KIF20B: variants seen among roughly 807,000 people sequenced by gnomAD.
The protein encoded by KIF20B is kinesin family member 20B.
Under a neutral mutation model 232.5 loss-of-function variants are expected in KIF20B, and 188 were observed. The ratio of observed to expected loss-of-function variants is 0.81; its 90% confidence interval spans 0.72 to 0.91. The LOEUF (loss-of-function observed/expected upper bound fraction) is 0.91, where lower values mean the gene tolerates loss of function less well. Ranked by LOEUF, KIF20B falls within the 40% of genes least tolerant of loss-of-function variation. The pLI is 0.00. For synonymous variants in KIF20B, 712 were observed against 683.0 expected, an observed-to-expected ratio of 1.04 and a Z score of -0.66; for missense variants, 2,154 against 2,055.9, an observed-to-expected ratio of 1.05 and a Z score of -0.92.
At chr10:89,702,360 C>T (rs1468363467) in intron 1 of KIF20B, among the ~76,000 whole-genome samples, 1 of 152,176 alleles carries the variant, frequency 6.6e-6, no homozygotes, top group Admixed American at 6.5e-5. Context: ...TTCTCCATCT[C>T]GATTCGCTCG....
chr10:89,737,032 C>T (rs1841668907), intron 19 of KIF20B, among the ~76,000 whole-genome samples: 1 of 152,054 alleles, frequency 6.6e-6, no homozygotes. Flanking sequence ...GTCATCTCCT[C>T]CTCTCTGTCC....
intron 26 of KIF20B, among the ~76,000 whole-genome samples, chr10:89,755,889 AT>A (rs1176859205): frequency 1.3e-5 from 2 of 152,094 alleles, no homozygotes; most frequent in African/African-American, 4.8e-5. Flanking sequence ...GCCACTGTGC[AT>A]TGTACCCGGC....
intron 23 of KIF20B, among the ~76,000 whole-genome samples, chr10:89,750,557 T>G (rs1489008455): frequency 6.6e-6 from 1 of 152,164 alleles, no homozygotes; most frequent in Non-Finnish European, 1.5e-5. Flanking sequence ...CAGCCTGAGA[T>G]TGAGCTATGC....
intron 13 of KIF20B, among the ~76,000 whole-genome samples, chr10:89,720,533 A>G (rs888866098): frequency 2.0e-5 from 3 of 152,174 alleles, no homozygotes; most frequent in Admixed American, 6.5e-5. Flanking sequence ...GATTTTATGT[A>G]TTCCATCAGA....
intron 6 of KIF20B, among the ~76,000 whole-genome samples, 153 bp from the exon 7 acceptor site, chr10:89,713,894 T>G (rs1842884169): frequency 6.6e-6 from 1 of 151,964 alleles, no homozygotes; most frequent in African/African-American, 2.4e-5. Context: ...TGAAACTATA[T>G]TATTTAACTA....
In KIF20B at chr10:89,715,162, A is replaced by G. The variant is rs1234871077; in HGVS notation, c.920A>G (p.Lys307Arg). The G allele has an allele frequency of 1.7e-5, 27 of 1,594,146 alleles. No homozygotes were observed. The highest frequency in any genetic ancestry group is 2.1e-5 in the Non-Finnish European group (25 of 1,170,382). The part of the protein sequence containing the change: ...RKMLRLSQDV[K>R]GYSFIKDLQW... Reference sequence around the variant, plus strand: ...ATGCTGCGCCTTTCCCAAGACGTAAAGGGCTATTCTTTTATAAAAGGTATA... The same window carrying G: ...ATGCTGCGCCTTTCCCAAGACGTAAGGGGCTATTCTTTTATAAAAGGTATA... Residue 307 changes from lysine to arginine, a missense_variant, in exon 8 of 33, where the codon AAG becomes AGG. Lys to Arg is a conservative substitution (Grantham distance 26). Transcript: ENST00000371728.
In KIF20B at chr10:89,737,983, A is replaced by G. The variant is rs770386949; in HGVS notation, c.3142A>G (p.Asn1048Asp). 6.2e-7 allele frequency: 1 copy of G among 1,613,234 alleles called. No homozygotes were observed. The highest frequency in any genetic ancestry group is 2.2e-5 in the East Asian group (1 of 44,808). The change falls in exon 20 of 33, where the codon AAT becomes GAT. Residue 1048 changes from asparagine (N) to aspartate (D), a missense_variant. Transcript: ENST00000371728. ...QVKEYRIQEP[N>D]RENSFHSSIE... is the part of the protein sequence containing the mutation. ...TAAAGAATATCGAATTCAAGAACCC[A>G]ATAGGGAAAATTCTTTCCACTCTAG...
chr10:89,752,561 A>C lies in KIF20B; in HGVS notation c.4223-6A>C. 3 of 1,591,410 alleles carry C rather than the reference A, an allele frequency of 1.9e-6. No homozygotes were observed. Among genetic ancestry groups the C allele is most frequent in the African/African-American group, 1.4e-5 (1 of 73,868 alleles). On this transcript the variant is annotated splice_region_variant and splice_polypyrimidine_tract_variant and intron_variant, in intron 24 of 32. Coordinates refer to ENST00000371728, the MANE Select transcript of KIF20B (RefSeq NM_001284259.2). Reference sequence around the variant, plus strand: ...TTTAAAACATAATTTTATGTCTTCAAATCAGAATTGGAAAAATGGAAGGAA... The same window carrying C: ...TTTAAAACATAATTTTATGTCTTCACATCAGAATTGGAAAAATGGAAGGAA...
chr10:89,759,091 A>G (rs532955948), intron 27 of KIF20B, among the ~76,000 whole-genome samples: 34 of 152,088 alleles, frequency 2.2e-4, no homozygotes, highest in Non-Finnish European at 3.8e-4. Context: ...ATTTTCTCCA[A>G]TATTTTGGTT....
At chr10:89,762,381 T>C (rs79571732) in intron 28 of KIF20B, among the ~76,000 whole-genome samples, 4,163 of 152,248 alleles carry the variant, frequency 0.027, 82 homozygotes, top group Middle Eastern at 0.044. Flanking sequence ...CCAGGAGTCT[T>C]TTAAACAAAT....
In KIF20B at chr10:89,758,914, T is replaced by C. The variant is rs752749770; in HGVS notation, c.4680+32T>C. ...AGTCTTTTTTGCTATGCCTTTTTAATTGAACATAGTAATTACTTAATTGAC... is the reference window on the plus strand; with the variant it reads ...AGTCTTTTTTGCTATGCCTTTTTAACTGAACATAGTAATTACTTAATTGAC... On this transcript the variant is annotated intron_variant, in intron 27 of 32. Coordinates refer to ENST00000371728, the MANE Select transcript of KIF20B (RefSeq NM_001284259.2). 2.3e-6 allele frequency: 3 copies of C among 1,317,996 alleles called. No individual in the cohort carries two copies. In the South Asian group the frequency reaches 5.6e-5, roughly 24 times the overall value. The allele number at this position is 1,317,996 out of a possible 1,614,324, so 81.6% of individuals were successfully genotyped here. A position where few individuals can be genotyped will look rare whatever the true frequency, so the allele number is the denominator to read the frequency against.
intron 32 of KIF20B, among the ~76,000 whole-genome samples, 177 bp downstream of exon 32, chr10:89,773,008 A>G (rs982514346): frequency 1.3e-5 from 2 of 152,106 alleles, no homozygotes; most frequent in Non-Finnish European, 2.9e-5. Flanking sequence ...TATTAAATGT[A>G]TATAAGCGTC....
chr10:89,723,774 G>T, intron 13 of KIF20B, 190 bp from the exon 14 acceptor site: 1 of 465,362 alleles, frequency 2.1e-6, no homozygotes, highest in Non-Finnish European at 3.3e-6. Context: ...AATGTGGAAA[G>T]GCCAACCTGA....
rs1332545576 is a variant in KIF20B, at chr10:89,709,183, C to T, written c.164C>T (p.Ser55Phe). The change falls in exon 3 of 33, where the codon TCT becomes TTT. Residue 55 changes from serine to phenylalanine, a missense_variant. Transcript: ENST00000371728. Reference protein sequence around the residue: ...APNTEANSFESKDYLQVCLRI... With the variant: ...APNTEANSFEFKDYLQVCLRI... ...TTTTTTAAGGCAAACAGTTTCGAATCTAAAGATTATCTCCAGGTTTGTCTT... is the reference window on the plus strand; with the variant it reads ...TTTTTTAAGGCAAACAGTTTCGAATTTAAAGATTATCTCCAGGTTTGTCTT... 1.2e-6 allele frequency: 2 copies of T among 1,606,472 alleles called. No individual in the cohort carries two copies. The highest frequency in any genetic ancestry group is 2.7e-5 in the African/African-American group (2 of 74,740).
intron 18 of KIF20B, 30 bp downstream of exon 18, chr10:89,729,277 A>G (rs758959024): frequency 1.4e-6 from 2 of 1,428,880 alleles, no homozygotes; most frequent in Non-Finnish European, 9.4e-7. Context: ...TTATATTAAT[A>G]AATTAGATAA....
At chr10:89,748,337 A>G (rs752751812) in intron 23 of KIF20B, among the ~76,000 whole-genome samples, 2 of 152,036 alleles carry the variant, frequency 1.3e-5, no homozygotes, top group Non-Finnish European at 2.9e-5. Flanking sequence ...GATGATACAT[A>G]TTTCTGTTTT....
At chr10:89,705,175 C>T (rs921951263) in intron 1 of KIF20B, 119 bp from the exon 2 acceptor site, 17 of 762,746 alleles carry the variant, frequency 2.2e-5, no homozygotes, top group Non-Finnish European at 3.8e-5. Flanking sequence ...CAATGTAATG[C>T]GTTTCTTTTC....
chr10:89,731,885 AC>A (rs1843328009), intron 18 of KIF20B, among the ~76,000 whole-genome samples: 1 of 152,048 alleles, frequency 6.6e-6, no homozygotes, highest in Non-Finnish European at 1.5e-5. Flanking sequence ...TTCTTAAATA[AC>A]CCATTACTTT....
At chr10:89,701,807 G>A (rs1842614936) in intron 1 of KIF20B, 127 bp downstream of exon 1, 3 of 152,206 alleles carry the variant, frequency 2.0e-5, no homozygotes, top group Non-Finnish European at 1.5e-5. Context: ...CCCAGTGGAG[G>A]TTACTGTCAG....
Sources: allele counts gnomAD v4.1 joint callset (sites outside exome capture counted in the v4.1 genomes callset), GRCh38; gene constraint gnomAD v4.1.1; transcripts MANE v1.5; gene names NCBI Gene and HGNC (gene_info 2026-07-23, HGNC 2026-07-21).